RNF123: variants seen among roughly 807,000 people sequenced by gnomAD.
The protein encoded by RNF123 is E3 ubiquitin-protein ligase RNF123.
In RNF123, 86 loss-of-function variants were observed where a neutral mutation model predicts 168.5. The observed-to-expected ratio is 0.51, with a 90% confidence interval of 0.43 to 0.61. RNF123 has a LOEUF of 0.61. Ranked by LOEUF, RNF123 falls within the 20% of genes least tolerant of loss-of-function variation. RNF123 has a pLI of 0.00. For synonymous variants in RNF123, 666 were observed against 689.1 expected, an observed-to-expected ratio of 0.97 and a Z score of 0.52; for missense variants, 1,419 against 1,729.7, an observed-to-expected ratio of 0.82 and a Z score of 3.19.
chr3:49,698,657 G>A (rs2054315925), intron 8 of RNF123, 98 bp from the exon 9 acceptor site: 24 of 1,540,234 alleles, frequency 1.6e-5, no homozygotes, highest in Non-Finnish European at 1.9e-5. Context: ...TGTCCTTGTG[G>A]CTAGTCTCCC....
Position 49,699,090 on chromosome 3 carries a change from G to A in RNF123, c.749G>A (p.Gly250Asp). Residue 250 changes from glycine to aspartate, a missense_variant, in exon 10 of 39, where the codon GGC becomes GAC. Around this residue, in one of 5 missense-constraint regions of RNF123, gnomAD observed 318 missense variants for 446.6 expected, o/e 0.71. Coordinates refer to ENST00000327697, the MANE Select transcript of RNF123 (RefSeq NM_022064.5). The surrounding 1 kb of genome is among the most constrained non-coding windows in gnomAD (Gnocchi z 4.8). Reference sequence around the variant, plus strand: ...AAGGAGTCCGTGGCCTTCAACTTTGGCAGCCGTCCTCTGCGATATCATTTT... The same window carrying A: ...AAGGAGTCCGTGGCCTTCAACTTTGACAGCCGTCCTCTGCGATATCATTTT... ...SFKESVAFNFGSRPLRYPVAG... is the reference protein window; with the variant it reads ...SFKESVAFNFDSRPLRYPVAG... 2 of 1,613,560 alleles carry A rather than the reference G, an allele frequency of 1.2e-6. No homozygotes were observed. Among genetic ancestry groups the A allele is most frequent in the Non-Finnish European group, 1.7e-6 (2 of 1,179,982 alleles).
At position 49,697,344 on chromosome 3, in the gene RNF123, C is replaced by T; in HGVS notation, c.248-19C>T. Reference sequence around the variant, plus strand: ...GTCAAATGCTCCACCCTGCCTGACCCCACCTCTCCTCTTTTCAGGACAGGT... The same window carrying T: ...GTCAAATGCTCCACCCTGCCTGACCTCACCTCTCCTCTTTTCAGGACAGGT... On this transcript the variant is annotated intron_variant, in intron 4 of 38. Transcript: ENST00000327697. 6.2e-7 allele frequency: 1 copy of T among 1,605,264 alleles called. No homozygotes were observed. The highest frequency in any genetic ancestry group is 1.1e-5 in the South Asian group (1 of 90,400).
chr3:49,708,120 G>A (rs1040152209), intron 26 of RNF123, among the ~76,000 whole-genome samples: 8 of 152,056 alleles, frequency 5.3e-5, no homozygotes, highest in African/African-American at 1.7e-4. Context: ...GTGCTACCGC[G>A]CCCAGCTACT....
rs536052781 is a variant in RNF123, at chr3:49,705,174, G to T, written c.2150G>T (p.Arg717Leu). The stretch of plus-strand genomic sequence containing the variant: ...ACGCTGAGCGTGGAGCAGAGGACCC[G>T]TGAGGACAGTAGGTGCTTGGTGGGG... ...VRTLSVEQRT[R>L]EDIEGSHWNE... The change falls in exon 23 of 39, where the codon CGT (arginine) becomes CTT (leucine). Residue 717 changes from arginine to leucine, a missense_variant. Coordinates refer to ENST00000327697, the MANE Select transcript of RNF123 (RefSeq NM_022064.5). The T allele has an allele frequency of 1.9e-6, 3 of 1,601,456 alleles. No individual in the cohort carries two copies. Among genetic ancestry groups the T allele is most frequent in the Non-Finnish European group, 2.6e-6 (3 of 1,173,728 alleles).
At chr3:49,713,460 T>G in intron 27 of RNF123, 53 bp from the exon 28 acceptor site, 1 of 1,533,190 alleles carries the variant, frequency 6.5e-7, no homozygotes, top group Non-Finnish European at 8.9e-7. Flanking sequence ...CTGACATGCC[T>G]GCCTCTGGAG....
At chr3:49,714,373 CT>C (rs1559686367) in intron 31 of RNF123, among the ~76,000 whole-genome samples, 199 bp downstream of exon 31, 2 of 152,228 alleles carry the variant, frequency 1.3e-5, no homozygotes, top group African/African-American at 2.4e-5. Context: ...GGGACTCCCC[CT>C]CCCCAGCCTT....
At chr3:49,720,739 A>G in intron 36 of RNF123, 61 bp from the exon 37 acceptor site, 1 of 1,611,256 alleles carries the variant, frequency 6.2e-7, no homozygotes, top group South Asian at 1.1e-5. Context: ...TAGGCTGGGA[A>G]TATTCAAGAG....
chr3:49,716,353 GC>G (rs749605843), intron 34 of RNF123, 39 bp from the exon 35 acceptor site: 2 of 1,598,590 alleles, frequency 1.3e-6, no homozygotes, highest in African/African-American at 2.7e-5. Flanking sequence ...TGAAGCAGGA[GC>G]ATGTGGGTGG....
At chr3:49,705,804 T>A in intron 24 of RNF123, 125 bp downstream of exon 24, 1 of 1,493,644 alleles carries the variant, frequency 6.7e-7, no homozygotes, top group Non-Finnish European at 9.1e-7. Context: ...AGCACATGCC[T>A]CAGCGAGGCT....
Position 49,720,538 on chromosome 3 carries a change from G to A in RNF123, c.3528G>A (p.Leu1176=), listed in dbSNP as rs2080380228. 1 of 1,606,344 alleles carries A rather than the reference G, an allele frequency of 6.2e-7. No individual in the cohort carries two copies. Among genetic ancestry groups the A allele is most frequent in the East Asian group, 2.2e-5 (1 of 44,788 alleles). Residue 1176 remains leucine (L), a synonymous_variant, in exon 36 of 39, where the codon CTG becomes CTA. Coordinates refer to ENST00000327697, the MANE Select transcript of RNF123 (RefSeq NM_022064.5). ...SEREQATSVL[L]ADPCFQLRSI... is the part of the protein sequence containing the mutation. ...GAGAGCAAGCCACATCAGTGCTCCT[G>A]GCAGATCCCTGCTTCCAGCTACGCT...
chr3:49,696,865 C>T lies in RNF123; in HGVS notation c.168-278C>T, dbSNP rs555332024. Among the ~76,000 whole-genome samples the T allele has an allele frequency of 9.0e-5, 13 of 144,152 alleles. No individual in the cohort carries two copies. The South Asian group carries it at 2.6e-3, about 29-fold the overall frequency. The allele number at this position is 144,152 out of a possible 152,430, so 94.6% of individuals were successfully genotyped here. A position where few individuals can be genotyped will look rare whatever the true frequency, so the allele number is the denominator to read the frequency against. ...TTTCACCATGTGGCCAGGCTGGTCT[C>T]GAACTCCTGACCTCAGGTGATCTGC... On this transcript the variant is annotated intron_variant, in intron 3 of 38. Coordinates refer to ENST00000327697, the MANE Select transcript of RNF123 (RefSeq NM_022064.5).
intron 35 of RNF123, chr3:49,718,586 G>C (rs1284412202): frequency 6.2e-7 from 1 of 1,613,048 alleles, no homozygotes; most frequent in East Asian, 2.2e-5. Flanking sequence ...CTCAGGGACC[G>C]ACCCACCAGC....
At chr3:49,719,455 A>T in intron 35 of RNF123, 1 of 1,612,350 alleles carries the variant, frequency 6.2e-7, no homozygotes, top group Non-Finnish European at 8.5e-7. Context: ...CAGCAGCACC[A>T]ACCAGGTCAT....
intron 25 of RNF123, 136 bp from the exon 26 acceptor site, chr3:49,706,655 A>C (rs1468438101): frequency 1.7e-5 from 12 of 704,478 alleles, no homozygotes; most frequent in Non-Finnish European, 2.9e-5. Flanking sequence ...GTGGCAGAAG[A>C]AGGTTTTGAA....
At position 49,714,028 on chromosome 3, in the gene RNF123, GC is replaced by G. The variant is rs770165967; in HGVS notation, c.2925+32del. The G allele has an allele frequency of 3.7e-6, 6 of 1,613,922 alleles. No individual in the cohort carries two copies. The Admixed American group carries it at 1.0e-4, about 27-fold the overall frequency. ...CCTGACTCGAGGGGAAGTGGCTGAG[GC>G]TGGCTGGAGGGAGAGGGTGCGCTGT... On this transcript the variant is annotated intron_variant, in intron 30 of 38. Transcript: ENST00000327697.
intron 26 of RNF123, among the ~76,000 whole-genome samples, chr3:49,707,333 T>C (rs999564323): frequency 1.3e-5 from 2 of 152,170 alleles, no homozygotes; most frequent in Non-Finnish European, 2.9e-5. Context: ...GCTCATTCAT[T>C]CAATAACATG....
At chr3:49,713,076 A>G (rs985868383) in intron 27 of RNF123, 2 of 608,392 alleles carry the variant, frequency 3.3e-6, no homozygotes, top group Admixed American at 5.6e-5. Flanking sequence ...TAGGGTCCAC[A>G]TCCGAACCTG....
At position 49,720,603 on chromosome 3, in the gene RNF123, C is replaced by G. The variant is rs1442434128; in HGVS notation, c.3593C>G (p.Pro1198Arg). 1 of 1,610,484 alleles carries G rather than the reference C, an allele frequency of 6.2e-7. No individual in the cohort carries two copies. The highest frequency in any genetic ancestry group is 1.1e-5 in the South Asian group (1 of 90,802). The change falls in exon 36 of 39, where the codon CCT becomes CGT. Residue 1198 changes from proline to arginine, a missense_variant. Pro to Arg is a moderately radical substitution (Grantham distance 103). This residue lies in a region of RNF123 where 164 missense variants were observed against 152.3 expected (regional missense o/e 1.08). Transcript: ENST00000327697. ...CTGGGACAGCCAGAGCCCCCAGCAC[C>G]TGGCACTGCTCTGCCAGCCCCTGAC... Reference protein sequence around the residue: ...YLLGQPEPPAPGTALPAPDRK... With the variant: ...YLLGQPEPPARGTALPAPDRK...
rs777200127 is a variant in RNF123 at position 49,697,369 on chromosome 3, T to G, written c.254T>G (p.Val85Gly). ...DNEEEESQGQ[V>G]EGRLGPSTVV... ...CCACCTCTCCTCTTTTCAGGACAGGTTGAAGGGCGGCTTGGCCCATCCACT... is the reference window on the plus strand; with the variant it reads ...CCACCTCTCCTCTTTTCAGGACAGGGTGAAGGGCGGCTTGGCCCATCCACT... Residue 85 changes from valine to glycine, a missense_variant, in exon 5 of 39, where the codon GTT (valine) becomes GGT (glycine). Val to Gly is a moderately radical substitution (Grantham distance 109). This residue lies in a region of RNF123 where 318 missense variants were observed against 446.6 expected (regional missense o/e 0.71). Transcript: ENST00000327697. 5 of 1,607,718 alleles carry G rather than the reference T, an allele frequency of 3.1e-6. No individual in the cohort carries two copies. Among genetic ancestry groups the G allele is most frequent in the Non-Finnish European group, 8.5e-7 (1 of 1,176,092 alleles).
Sources: gnomAD v4.1 joint callset for allele counts (sites outside exome capture counted in the v4.1 genomes callset) on GRCh38, gnomAD v4.1.1 for gene constraint, gnomAD v4.1.1 regional missense constraint, Gnocchi (gnomAD v3.1) non-coding constraint, MANE v1.5 for transcripts, NCBI Gene and HGNC (gene_info 2026-07-23, HGNC 2026-07-21) for gene names.